TRMT9B: variants seen among roughly 807,000 people sequenced by gnomAD.
TRMT9B encodes probable tRNA methyltransferase 9B.
TRMT9B carries 16 observed loss-of-function variants against 11.5 expected under a neutral mutation model. The observed-to-expected ratio is 1.39, with a 90% CI of 0.94 to 2.11. The LOEUF (loss-of-function observed/expected upper bound fraction) is 2.11, where lower values mean the gene tolerates loss of function less well. Among genes scored for constraint, TRMT9B ranks in the 30% most tolerant of loss-of-function variants. The pLI is 0.00. For synonymous variants in TRMT9B, 274 were observed against 192.4 expected (o/e 1.42, Z -3.51); for missense variants, 941 against 553.8 (o/e 1.70, Z -7.02).
chr8:12,956,643 A>G (rs907247772), intron 1 of TRMT9B, among the ~76,000 whole-genome samples: 11 of 152,210 alleles, frequency 7.2e-5, no homozygotes, highest in African/African-American at 2.2e-4. Context: ...TGAGAGAGAA[A>G]TAATAGCACC....
chr8:12,998,958 G>C (rs1238620550), intron 2 of TRMT9B, among the ~76,000 whole-genome samples: 2 of 152,142 alleles, frequency 1.3e-5, no homozygotes, highest in Non-Finnish European at 2.9e-5. Context: ...ATATGTTAAT[G>C]TCCACCTCTC....
chr8:12,952,066 A>C (rs1225713851), intron 1 of TRMT9B: 1 of 349,240 alleles, frequency 2.9e-6, no homozygotes, highest in South Asian at 2.0e-5. Flanking sequence ...AAAATAGGTC[A>C]AGGGGTGGAA....
chr8:13,003,828 A>C (rs548343018), intron 2 of TRMT9B, among the ~76,000 whole-genome samples: 1 of 150,462 alleles, frequency 6.6e-6, no homozygotes, highest in African/African-American at 2.4e-5. Flanking sequence ...AAGCACCTAC[A>C]TAAGAACCAA....
rs1585435220 is a variant in TRMT9B at position 13,021,747 on chromosome 8, T to A, written c.1068T>A (p.Gly356=). The A allele has an allele frequency of 1.2e-6, 2 of 1,613,966 alleles. No individual in the cohort carries two copies. Among genetic ancestry groups the A allele is most frequent in the African/African-American group, 1.3e-5 (1 of 75,044 alleles). The change falls in exon 5 of 5, where the codon GGT becomes GGA. Residue 356 remains glycine (G), a synonymous_variant. Transcript: ENST00000524591. ...ATTTTCTGGATAGCACTAATACTGG[T>A]GTGAATTGTGTGGATGCAGGCAACA... ...GGNFLDSTNT[G]VNCVDAGNIE...
At chr8:12,962,114 C>T (rs1802197980) in intron 1 of TRMT9B, 1 of 152,368 alleles carries the variant, frequency 6.6e-6, no homozygotes, top group Non-Finnish European at 1.5e-5. Context: ...GGACTGGATT[C>T]TCCATGCTAG....
At chr8:12,992,181 C>T (rs4484701) in intron 2 of TRMT9B, among the ~76,000 whole-genome samples, 1 of 152,182 alleles carries the variant, frequency 6.6e-6, no homozygotes, top group African/African-American at 2.4e-5. Flanking sequence ...GTGTTCTGCA[C>T]TATCCTAGGC....
intron 1 of TRMT9B, among the ~76,000 whole-genome samples, chr8:12,988,000 A>G (rs1281391190): frequency 6.6e-6 from 1 of 152,230 alleles, no homozygotes; most frequent in Non-Finnish European, 1.5e-5. Context: ...TGACACCATC[A>G]TAAAGTCAAA....
rs1384975380 is a variant in TRMT9B, at chr8:13,022,231, A to T, written c.*187A>T. 2 of 534,088 alleles carry T rather than the reference A, an allele frequency of 3.7e-6. No homozygotes were observed. Among genetic ancestry groups the T allele is most frequent in the African/African-American group, 3.9e-5 (2 of 51,430 alleles). The allele number at this position is 534,088 out of a possible 1,614,324, so 33.1% of individuals were successfully genotyped here. ...AAGCACAGATTCTGGCATTGAAAGC[A>T]CTTGACAAAGGGTATTTGTGCTTAA... On this transcript the variant is annotated 3_prime_UTR_variant, in exon 5 of 5. Transcript: ENST00000524591.
In TRMT9B at chr8:12,990,995, CA is replaced by C; in HGVS notation, c.-36del. The C allele has an allele frequency of 7.8e-7, 1 of 1,280,216 alleles. No individual in the cohort carries two copies. The highest frequency in any genetic ancestry group is 1.0e-6 in the Non-Finnish European group (1 of 983,402). 79.3% of individuals were successfully genotyped at this position (1,280,216 alleles called of 1,614,324 possible). A position where few individuals can be genotyped will look rare whatever the true frequency, so the allele number is the denominator to read the frequency against. ...TGGAGACTGCCGTGATTCACAAAGA[CA>C]AGAGGTAATTTTCCTGTAATCACAG... On this transcript the variant is annotated 5_prime_UTR_variant, in exon 2 of 5. An upstream open reading frame in the 5' UTR loses its in-frame stop. Coordinates refer to ENST00000524591, the MANE Select transcript of TRMT9B (RefSeq NM_020844.3).
rs147518758 is a variant in TRMT9B at position 13,021,386 on chromosome 8, A to C, written c.707A>C (p.Glu236Ala). ...FANISKEGEE[E>A]YGFYSTLGKS... ...AATATTTCTAAGGAAGGCGAGGAAG[A>C]ATATGGATTTTACAGCACATTAGGA... is the stretch of plus-strand genomic sequence containing the variant. Residue 236 changes from glutamate (E) to alanine (A), a missense_variant, in exon 5 of 5, where the codon GAA (glutamate) becomes GCA (alanine). By Grantham distance (107) the Glu-to-Ala change is moderately radical (BLOSUM62 -1). Coordinates refer to ENST00000524591, the MANE Select transcript of TRMT9B (RefSeq NM_020844.3). The C allele has an allele frequency of 9.3e-6, 15 of 1,614,068 alleles. No homozygotes were observed. The highest frequency in any genetic ancestry group is 3.3e-5 in the South Asian group (3 of 91,084).
At chr8:12,959,536 T>G (rs1417454555) in intron 1 of TRMT9B, among the ~76,000 whole-genome samples, 1 of 143,092 alleles carries the variant, frequency 7.0e-6, no homozygotes, top group African/African-American at 2.6e-5. Flanking sequence ...TTTTTTTTTT[T>G]TTTGACAGAG....
intron 4 of TRMT9B, among the ~76,000 whole-genome samples, chr8:13,014,126 G>A (rs549864192): frequency 5.0e-4 from 76 of 152,292 alleles, no homozygotes; most frequent in African/African-American, 1.8e-3. Context: ...TTCGTATGCT[G>A]AGGGGAGGCA....
At chr8:12,977,398 T>C (rs560717863) in intron 1 of TRMT9B, among the ~76,000 whole-genome samples, 50 of 152,230 alleles carry the variant, frequency 3.3e-4, no homozygotes, top group Admixed American at 7.2e-4. Flanking sequence ...ACCATCTTAT[T>C]TTCTTGAGTT....
At chr8:12,953,222 C>T (rs1585056145) in intron 1 of TRMT9B, among the ~76,000 whole-genome samples, 1 of 83,158 alleles carries the variant, frequency 1.2e-5, no homozygotes, top group Admixed American at 1.4e-4. Flanking sequence ...ATATTGTTTT[C>T]AGGTTAAGAT....
intron 1 of TRMT9B, among the ~76,000 whole-genome samples, chr8:12,987,677 A>G (rs1289540504): frequency 8.6e-6 from 1 of 115,996 alleles, no homozygotes; most frequent in South Asian, 3.1e-4. Flanking sequence ...GGGCAACAGA[A>G]TGAATACCCT....
chr8:12,999,627 G>T (rs1809029901), intron 2 of TRMT9B, among the ~76,000 whole-genome samples: 1 of 152,114 alleles, frequency 6.6e-6, no homozygotes, highest in South Asian at 2.1e-4. Context: ...TACATTTAGG[G>T]CCAGTGCTAG....
chr8:13,012,622 CA>C, intron 3 of TRMT9B, 61 bp from the exon 4 acceptor site: 1 of 1,507,720 alleles, frequency 6.6e-7, no homozygotes, highest in South Asian at 1.3e-5. Context: ...TGTTATGAGA[CA>C]AATGAAGTAT....
chr8:13,020,838 C>A lies in TRMT9B; in HGVS notation c.329-170C>A, dbSNP rs561338795. Reference sequence around the variant, plus strand: ...GGAGCCAAAGCTAAAATTTATGTTTCTCCTAAAATCAGTCCTGTGTTATTT... The same window carrying A: ...GGAGCCAAAGCTAAAATTTATGTTTATCCTAAAATCAGTCCTGTGTTATTT... On this transcript the variant is annotated intron_variant, in intron 4 of 4. Coordinates refer to ENST00000524591, the MANE Select transcript of TRMT9B (RefSeq NM_020844.3). Among the ~76,000 whole-genome samples the A allele has an allele frequency of 2.6e-5, 4 of 152,300 alleles. No individual in the cohort carries two copies. The East Asian group carries it at 7.7e-4, about 29-fold the overall frequency.
chr8:13,001,046 G>A (rs1809337711), intron 2 of TRMT9B, among the ~76,000 whole-genome samples: 1 of 152,074 alleles, frequency 6.6e-6, no homozygotes. Context: ...CAATCTTTCT[G>A]CCTTTCCCCC....
Sources: gnomAD v4.1 joint callset for allele counts (sites outside exome capture counted in the v4.1 genomes callset) on GRCh38, gnomAD v4.1.1 for gene constraint, MANE v1.5 for transcripts, NCBI Gene and HGNC (gene_info 2026-07-23, HGNC 2026-07-21) for gene names.